The following MACC1 variants were observed in gnomAD, a reference collection of about 807,000 sequenced individuals.
The protein encoded by MACC1 is metastasis-associated in colon cancer protein 1.
MACC1 carries 79 observed loss-of-function variants against 70.7 expected under a neutral mutation model. The observed-to-expected ratio is 1.12, with a 90% confidence interval of 0.93 to 1.35. The LOEUF is 1.35. Ranked by LOEUF, MACC1 falls within the 40% of genes most tolerant of loss-of-function variation. MACC1 has a pLI of 0.00. For synonymous variants in MACC1, 361 were observed against 347.2 expected, an observed-to-expected ratio of 1.04 and a Z score of -0.44; for missense variants, 1,106 against 978.1, an observed-to-expected ratio of 1.13 and a Z score of -1.74.
At chr7:20,145,675 G>T (rs977714797) in intron 6 of MACC1, among the ~76,000 whole-genome samples, 1 of 152,106 alleles carries the variant, frequency 6.6e-6, no homozygotes, top group South Asian at 2.1e-4. Flanking sequence ...AAGAAGAAAG[G>T]TTAACTTCCT....
chr7:20,216,656 G>A (rs1046604464), intron 1 of MACC1, among the ~76,000 whole-genome samples: 5 of 152,042 alleles, frequency 3.3e-5, no homozygotes, highest in Non-Finnish European at 7.4e-5. Context: ...ACTTAATTAG[G>A]ATGAAGCCAA....
At chr7:20,155,952 C>T (rs901892201) in intron 5 of MACC1, among the ~76,000 whole-genome samples, 8 of 152,188 alleles carry the variant, frequency 5.3e-5, no homozygotes, top group African/African-American at 1.9e-4. Flanking sequence ...ACTTTACATG[C>T]ATCACACAGT....
chr7:20,208,816 G>A (rs1188358653), intron 1 of MACC1, among the ~76,000 whole-genome samples: 1 of 152,214 alleles, frequency 6.6e-6, no homozygotes, highest in Non-Finnish European at 1.5e-5. Flanking sequence ...CAGAGGCCTA[G>A]GAGGGAAAAA....
At chr7:20,188,115 T>C (rs1180821837) in intron 1 of MACC1, among the ~76,000 whole-genome samples, 1 of 152,086 alleles carries the variant, frequency 6.6e-6, no homozygotes, top group South Asian at 2.1e-4. Flanking sequence ...GACAACTCAC[T>C]CACTATCTCA....
chr7:20,137,722 T>C lies in MACC1; in HGVS notation c.*3224A>G, dbSNP rs1781736814. ...ACTGCCAAATATTGAAGGCAATTCA[T>C]GATTACTAATTTAATCTTTTCTGAT... is the stretch of plus-strand genomic sequence containing the variant. On this transcript the variant is annotated 3_prime_UTR_variant, in exon 7 of 7. Coordinates refer to ENST00000400331, the MANE Select transcript of MACC1 (RefSeq NM_182762.4). The C allele has an allele frequency of 6.6e-6, 1 of 152,258 alleles. No homozygotes were observed. Among genetic ancestry groups the C allele is most frequent in the Admixed American group, 6.5e-5 (1 of 15,286 alleles). 9.4% of individuals were successfully genotyped at this position (152,258 alleles called of 1,614,324 possible). A position where few individuals can be genotyped will look rare whatever the true frequency, so the allele number is the denominator to read the frequency against.
intron 5 of MACC1, among the ~76,000 whole-genome samples, chr7:20,155,768 GAA>G (rs966117467): frequency 1.2e-4 from 18 of 152,184 alleles, no homozygotes; most frequent in African/African-American, 4.3e-4. Flanking sequence ...CATTTATACT[GAA>G]GAGTTATAGC....
chr7:20,145,597 T>A (rs1781878709), intron 6 of MACC1, among the ~76,000 whole-genome samples: 2 of 152,164 alleles, frequency 1.3e-5, no homozygotes, highest in Non-Finnish European at 2.9e-5. Flanking sequence ...TGGATTTGAA[T>A]CTTAGCTTTG....
At chr7:20,216,294 GCT>G (rs1491498459) in intron 1 of MACC1, among the ~76,000 whole-genome samples, 1 of 151,980 alleles carries the variant, frequency 6.6e-6, no homozygotes, top group African/African-American at 2.4e-5. Flanking sequence ...TTCACTACAT[GCT>G]TTTTGATCTT....
Position 20,158,895 on chromosome 7 carries a change from A to T in MACC1, c.1466T>A (p.Val489Glu). Reference protein sequence around the residue: ...EMHLFDFCVQVEPPNGEPVAQ... With the variant: ...EMHLFDFCVQEEPPNGEPVAQ... ...AACTGGTTCACCATTGGGAGGCTCC[A>T]CTTGAACACAAAAATCAAACAAGTG... The change falls in exon 5 of 7, where the codon GTG becomes GAG. Residue 489 changes from valine to glutamate, a missense_variant. By Grantham distance (121) the Val-to-Glu change is moderately radical (BLOSUM62 -2). Coordinates refer to ENST00000400331, the MANE Select transcript of MACC1 (RefSeq NM_182762.4). 1 of 1,614,104 alleles carries T rather than the reference A, an allele frequency of 6.2e-7. No individual in the cohort carries two copies. Among genetic ancestry groups the T allele is most frequent in the Non-Finnish European group, 8.5e-7 (1 of 1,180,024 alleles).
rs144332884 is a variant in MACC1, at chr7:20,187,467, G to C, written c.-217-16689C>G. 1.8e-4 allele frequency among the ~76,000 whole-genome samples: 27 copies of C among 152,194 alleles called. No individual in the cohort carries two copies. The East Asian group carries it at 5.2e-3, about 29-fold the overall frequency. On this transcript the variant is annotated intron_variant, in intron 1 of 6. Transcript: ENST00000400331. ...CAATCTGACAAACTTCTTGTCCTTT[G>C]CCTGCCTTTCCCACAAGCCTTCTCC...
chr7:20,158,266 T>A lies in MACC1; in HGVS notation c.2095A>T (p.Lys699Ter), dbSNP rs761369094. ...TCTGTGTGGCAATCTTCCTTTAACT[T>A]CTTTATAACATAAGAAACTTTCTCT... ...ESEKVSYVIK[K>*]LKEDCHTERN... Residue 699 changes from lysine to a stop codon, truncating the protein, a stop_gained, in exon 5 of 7, where the codon AAG (lysine) becomes TAG (stop). Transcript: ENST00000400331. LOFTEE classifies it high-confidence loss of function. 1.2e-6 allele frequency: 2 copies of A among 1,608,574 alleles called. No homozygotes were observed. Among genetic ancestry groups the A allele is most frequent in the South Asian group, 2.2e-5 (2 of 89,650 alleles).
chr7:20,211,036 G>A (rs547090887), intron 1 of MACC1, among the ~76,000 whole-genome samples: 1 of 152,040 alleles, frequency 6.6e-6, no homozygotes, highest in Non-Finnish European at 1.5e-5. Flanking sequence ...GTGTATGTAT[G>A]CTCTTTTGAT....
chr7:20,159,755 A>C lies in MACC1; in HGVS notation c.606T>G (p.Pro202=), dbSNP rs149473661. 1.2e-6 allele frequency: 2 copies of C among 1,614,134 alleles called. No homozygotes were observed. The highest frequency in any genetic ancestry group is 1.7e-6 in the Non-Finnish European group (2 of 1,180,020). ...CLDLNTISQS[P]GWAQTQLAEV... ...CCGCAAGTTGTGTCTGGGCCCATCC[A>C]GGGCTCTGACTAATTGTATTCAAAT... The change falls in exon 5 of 7, where the codon CCT becomes CCG. Residue 202 remains proline, a synonymous_variant. Transcript: ENST00000400331.
chr7:20,195,116 C>G (rs1196513296), intron 1 of MACC1, among the ~76,000 whole-genome samples: 1 of 151,972 alleles, frequency 6.6e-6, no homozygotes, highest in Non-Finnish European at 1.5e-5. Context: ...AACAAGTATC[C>G]CCTATGCTTT....
rs773741927 is a variant in MACC1 at position 20,158,979 on chromosome 7, T to TC, written c.1381dup (p.Glu461GlyfsTer4). 1 of 1,613,964 alleles carries TC rather than the reference T, an allele frequency of 6.2e-7. No individual in the cohort carries two copies. Among genetic ancestry groups the TC allele is most frequent in the African/African-American group, 1.3e-5 (1 of 74,928 alleles). On this transcript the variant is annotated frameshift_variant, in exon 5 of 7. Transcript: ENST00000400331. LOFTEE classifies it high-confidence loss of function. ...TTGTTGATGAACTACTTCACCTGCT[T>TC]CCAACTGCTTTTGTTTAATTTCTTT...
chr7:20,165,250 A>C lies in MACC1; in HGVS notation c.-152-851T>G, dbSNP rs563354811. ...CCTTTGGAACCACCCCAGTGTTTCTAATCCAGAAGGTCTGGGATTGTGCAC... is the reference window on the plus strand; with the variant it reads ...CCTTTGGAACCACCCCAGTGTTTCTCATCCAGAAGGTCTGGGATTGTGCAC... On this transcript the variant is annotated intron_variant, in intron 2 of 6. Transcript: ENST00000400331. Among the ~76,000 whole-genome samples, 3 of 152,310 alleles carry C rather than the reference A, an allele frequency of 2.0e-5. No individual in the cohort carries two copies. The East Asian group carries it at 5.8e-4, about 29-fold the overall frequency.
intron 2 of MACC1, among the ~76,000 whole-genome samples, chr7:20,164,939 G>A (rs76286305): frequency 0.013 from 1,993 of 151,434 alleles, 133 homozygotes; most frequent in Admixed American, 0.1. Flanking sequence ...TATGTACTGA[G>A]GATTCCTTTG....
At chr7:20,179,197 T>A (rs1782461262) in intron 1 of MACC1, among the ~76,000 whole-genome samples, 1 of 151,994 alleles carries the variant, frequency 6.6e-6, no homozygotes, top group Non-Finnish European at 1.5e-5. Flanking sequence ...CATCAGTGCT[T>A]TTTCTTTTCC....
rs77618519 is a variant in MACC1, at chr7:20,139,891, G to C, written c.*1055C>G. 2,233 of 151,570 alleles carry C rather than the reference G, an allele frequency of 0.015. 24 individuals are homozygous for C. Among genetic ancestry groups the C allele is most frequent in the Non-Finnish European group, 0.022 (1,500 of 67,910 alleles). 9.4% of individuals were successfully genotyped at this position (151,570 alleles called of 1,614,324 possible). On this transcript the variant is annotated 3_prime_UTR_variant, in exon 7 of 7. Coordinates refer to ENST00000400331, the MANE Select transcript of MACC1 (RefSeq NM_182762.4). The stretch of plus-strand genomic sequence containing the variant: ...GTTTGCATGAGCATGCCAACATAAA[G>C]ATATCAGTGTTTTCGGTGGTTAAGA...
Sources: allele counts gnomAD v4.1 joint callset (sites outside exome capture counted in the v4.1 genomes callset), GRCh38; gene constraint gnomAD v4.1.1; transcripts MANE v1.5; gene names NCBI Gene and HGNC (gene_info 2026-07-23, HGNC 2026-07-21).